Variants in FARP2 observed in about 807,000 individuals in gnomAD.
FARP2 encodes FERM, ARHGEF and pleckstrin domain-containing protein 2.
FARP2 carries 111 observed loss-of-function variants against 130.5 expected under a neutral mutation model. That is an observed-to-expected ratio of 0.85 (90% CI 0.73 to 1.00). FARP2 has a LOEUF of 1.00. Ranked by LOEUF, FARP2 falls within the 50% of genes least tolerant of loss-of-function variation. The pLI is 0.00. For synonymous variants in FARP2, 504 were observed against 516.9 expected, an observed-to-expected ratio of 0.98 and a Z score of 0.34; for missense variants, 1,385 against 1,346.3, an observed-to-expected ratio of 1.03 and a Z score of -0.45.
At chr2:241,413,178 CTT>C in intron 6 of FARP2, 127 bp from the exon 7 acceptor site, 1 of 585,552 alleles carries the variant, frequency 1.7e-6, no homozygotes, top group Admixed American at 3.0e-5. Context: ...AAAAATCTTG[CTT>C]TTTTAGGGAT....
intron 8 of FARP2, among the ~76,000 whole-genome samples, chr2:241,421,495 C>T (rs565117112): frequency 2.9e-4 from 44 of 152,328 alleles, no homozygotes; most frequent in Middle Eastern, 3.4e-3. Flanking sequence ...CAAGTTCCTG[C>T]GGGGGCGGGG....
intron 8 of FARP2, among the ~76,000 whole-genome samples, chr2:241,429,037 C>G (rs2063027576): frequency 6.6e-6 from 1 of 152,196 alleles, no homozygotes; most frequent in African/African-American, 2.4e-5. Flanking sequence ...GGGACTGTGT[C>G]CCTAACCTTG....
At chr2:241,363,432 A>G (rs992407337) in intron 1 of FARP2, among the ~76,000 whole-genome samples, 1 of 152,240 alleles carries the variant, frequency 6.6e-6, no homozygotes, top group African/African-American at 2.4e-5. Context: ...TTAAAGCCGT[A>G]GGTTTCTGGT....
chr2:241,487,931 G>A (rs2064798102), intron 21 of FARP2, among the ~76,000 whole-genome samples: 1 of 151,518 alleles, frequency 6.6e-6, no homozygotes, highest in Non-Finnish European at 1.5e-5. Flanking sequence ...GTATTTTTTA[G>A]TAGAGACGGG....
At chr2:241,472,571 T>C (rs1039216430) in intron 18 of FARP2, among the ~76,000 whole-genome samples, 4 of 151,758 alleles carry the variant, frequency 2.6e-5, no homozygotes, top group African/African-American at 9.7e-5. Flanking sequence ...GAACCTGTTC[T>C]GAGAGGACCC....
chr2:241,439,572 G>A (rs1198865203), intron 12 of FARP2, among the ~76,000 whole-genome samples: 2 of 151,808 alleles, frequency 1.3e-5, no homozygotes, highest in Non-Finnish European at 2.9e-5. Context: ...CTCATGATCC[G>A]CCCGACTCGG....
In FARP2 at chr2:241,434,190, G is replaced by C; in HGVS notation, c.900G>C (p.Leu300Phe). Residue 300 changes from leucine (L) to phenylalanine (F), a missense_variant, in exon 10 of 27, where the codon TTG (leucine) becomes TTC (phenylalanine). Coordinates refer to ENST00000264042, the MANE Select transcript of FARP2 (RefSeq NM_014808.4). ...GPYQDTLEFL[L>F]GSRDECKNFW... ...ACCAGGACACATTAGAATTTTTGTT[G>C]GGTAGTAGAGATGAATGTAAGAACT... 2 of 1,613,134 alleles carry C rather than the reference G, an allele frequency of 1.2e-6. No individual in the cohort carries two copies. The highest frequency in any genetic ancestry group is 1.7e-6 in the Non-Finnish European group (2 of 1,179,482).
intron 1 of FARP2, among the ~76,000 whole-genome samples, chr2:241,356,888 A>G (rs13016923): frequency 1.3e-5 from 2 of 152,226 alleles, no homozygotes; most frequent in Non-Finnish European, 2.9e-5. Context: ...ATTTCTTTAA[A>G]TTGTATCTTA....
Position 241,426,687 on chromosome 2 carries a change from C to T in FARP2, c.772-4992C>T, listed in dbSNP as rs760101712. Among the ~76,000 whole-genome samples the T allele has an allele frequency of 3.3e-5, 5 of 152,156 alleles. 1 individual carries two copies. The South Asian group carries it at 6.2e-4, about 19-fold the overall frequency. On this transcript the variant is annotated intron_variant, in intron 8 of 26. Coordinates refer to ENST00000264042, the MANE Select transcript of FARP2 (RefSeq NM_014808.4). ...CCTGACCTGGCAGTTTGTTTCCAGT[C>T]GTGTAGTCTATATGGCATTTTCAGA... is the stretch of plus-strand genomic sequence containing the variant.
At chr2:241,462,138 G>A (rs989856602) in intron 14 of FARP2, among the ~76,000 whole-genome samples, 4 of 152,344 alleles carry the variant, frequency 2.6e-5, no homozygotes, top group African/African-American at 9.6e-5. Context: ...GGCACACTTA[G>A]AATGCGCACT....
chr2:241,468,378 G>A lies in FARP2; in HGVS notation c.2131+1G>A, dbSNP rs1559800557. ...CACCATGACTACGCTGACTGCCATG[G>A]TGAGTGTGGGTGCGGCCCTGCATCT... On this transcript the variant is annotated splice_donor_variant, in intron 18 of 26. Transcript: ENST00000264042. LOFTEE classifies it high-confidence loss of function. 2 of 1,606,094 alleles carry A rather than the reference G, an allele frequency of 1.2e-6. No homozygotes were observed. The highest frequency in any genetic ancestry group is 1.7e-6 in the Non-Finnish European group (2 of 1,174,066).
At chr2:241,402,694 T>A (rs951713378) in intron 2 of FARP2, among the ~76,000 whole-genome samples, 6 of 150,098 alleles carry the variant, frequency 4.0e-5, no homozygotes, top group Admixed American at 3.3e-4. Flanking sequence ...TGAAACAGGG[T>A]CTTACTCTGT....
chr2:241,455,781 C>T (rs2063818333), intron 13 of FARP2, among the ~76,000 whole-genome samples: 2 of 124,906 alleles, frequency 1.6e-5, no homozygotes, highest in East Asian at 5.0e-4. Context: ...GCTCTGTCAT[C>T]CAGGCTGGAG....
At chr2:241,465,106 T>C (rs993597824) in intron 17 of FARP2, among the ~76,000 whole-genome samples, 13 of 152,134 alleles carry the variant, frequency 8.5e-5, no homozygotes, top group African/African-American at 2.4e-4. Context: ...AACATTGTTC[T>C]CTTCAGAACC....
chr2:241,476,481 A>T (rs1217074104), intron 19 of FARP2, among the ~76,000 whole-genome samples: 1 of 152,176 alleles, frequency 6.6e-6, no homozygotes, highest in African/African-American at 2.4e-5. Flanking sequence ...TGAGGTTGGG[A>T]GTTCGAGACC....
At chr2:241,446,346 AAG>A (rs1217803847) in intron 13 of FARP2, 1 of 152,236 alleles carries the variant, frequency 6.6e-6, no homozygotes, top group Non-Finnish European at 1.5e-5. Context: ...CCAAAAAAAA[AAG>A]AGTTTAGTAT....
In FARP2 at chr2:241,411,177, G is replaced by A. The variant is rs763775368; in HGVS notation, c.508+47G>A. The A allele has an allele frequency of 1.6e-5, 21 of 1,302,890 alleles. No homozygotes were observed. The South Asian group carries it at 2.3e-4, about 14-fold the overall frequency. 80.7% of individuals were successfully genotyped at this position (1,302,890 alleles called of 1,614,324 possible). A position where few individuals can be genotyped will look rare whatever the true frequency, so the allele number is the denominator to read the frequency against. ...GGGAGCATTCACTGACCATGGCACA[G>A]ATATACCCGCACTCAGAACTACAAT... On this transcript the variant is annotated intron_variant, in intron 6 of 26. Coordinates refer to ENST00000264042, the MANE Select transcript of FARP2 (RefSeq NM_014808.4).
intron 8 of FARP2, 138 bp from the exon 9 acceptor site, chr2:241,431,541 T>C: frequency 3.4e-6 from 2 of 580,908 alleles, no homozygotes; most frequent in Non-Finnish European, 6.1e-6. Context: ...ACATTTTAAG[T>C]CAGCTATCTC....
chr2:241,493,651 G>GTGA (rs1319260871), intron 26 of FARP2: 6 of 584,314 alleles, frequency 1.0e-5, no homozygotes, highest in South Asian at 2.1e-5. Flanking sequence ...CTGGAGTGCA[G>GTGA]TGATACAATC....
Sources: gnomAD v4.1 joint callset for allele counts (sites outside exome capture counted in the v4.1 genomes callset) on GRCh38, gnomAD v4.1.1 for gene constraint, MANE v1.5 for transcripts, NCBI Gene and HGNC (gene_info 2026-07-23, HGNC 2026-07-21) for gene names.